Variants in ST18 observed in about 807,000 individuals in gnomAD.
ST18 encodes ST18 C2H2C-type zinc finger transcription factor, also known as suppression of tumorigenicity 18 protein.
ST18 carries 50 observed loss-of-function variants against 110.0 expected under a neutral mutation model. The ratio of observed to expected loss-of-function variants is 0.45; its 90% confidence interval spans 0.36 to 0.58. The LOEUF (loss-of-function observed/expected upper bound fraction) is 0.58. Among genes scored for constraint, ST18 ranks in the 20% least tolerant of loss-of-function variants. The pLI is 0.00. For missense variants in ST18, 1,306 were observed against 1,280.1 expected (o/e 1.02, Z -0.31); for synonymous variants, 461 against 452.4 (o/e 1.02, Z -0.24).
At chr8:52,188,179 C>T (rs1010525520) in intron 8 of ST18, among the ~76,000 whole-genome samples, 2 of 152,022 alleles carry the variant, frequency 1.3e-5, no homozygotes, top group South Asian at 4.2e-4. Flanking sequence ...GAGTAAAATA[C>T]ATAATATGTT....
intron 2 of ST18, among the ~76,000 whole-genome samples, chr8:52,301,179 G>C (rs982037137): frequency 6.6e-6 from 1 of 152,016 alleles, no homozygotes; most frequent in Admixed American, 6.6e-5. Context: ...ATTACGAGCA[G>C]GTTTCTTCAA....
chr8:52,188,953 G>A (rs2073431930), intron 8 of ST18, among the ~76,000 whole-genome samples: 1 of 152,166 alleles, frequency 6.6e-6, no homozygotes, highest in African/African-American at 2.4e-5. Context: ...GTTCAAACTG[G>A]AGCACGTTAA....
chr8:52,172,897 A>ACTTAACAATAAT (rs1180813255), intron 9 of ST18, among the ~76,000 whole-genome samples: 2 of 152,230 alleles, frequency 1.3e-5, no homozygotes, highest in African/African-American at 4.8e-5. Flanking sequence ...TGACCAAGAC[A>ACTTAACAATAAT]AGAAGTAGAT....
chr8:52,264,799 A>G (rs2094814679), intron 2 of ST18, among the ~76,000 whole-genome samples: 1 of 152,232 alleles, frequency 6.6e-6, no homozygotes, highest in African/African-American at 2.4e-5. Flanking sequence ...TCAAAGAGTT[A>G]AGAGACAGCT....
chr8:52,229,814 A>C (rs1365082477), intron 3 of ST18: 1 of 152,198 alleles, frequency 6.6e-6, no homozygotes. Flanking sequence ...CAAACATATG[A>C]AGTCATGAAT....
At chr8:52,269,227 C>A (rs1302681760) in intron 2 of ST18, among the ~76,000 whole-genome samples, 1 of 152,180 alleles carries the variant, frequency 6.6e-6, no homozygotes. Flanking sequence ...AGGGTTTACA[C>A]CCAGGAAACC....
At chr8:52,391,805 G>T (rs1299053942) in intron 2 of ST18, among the ~76,000 whole-genome samples, 1 of 152,134 alleles carries the variant, frequency 6.6e-6, no homozygotes, top group Non-Finnish European at 1.5e-5. Flanking sequence ...AATTCCAAAT[G>T]GAGAAATTTG....
At chr8:52,136,550 T>A in intron 19 of ST18, 40 bp downstream of exon 19, 1 of 1,579,840 alleles carries the variant, frequency 6.3e-7, no homozygotes. Flanking sequence ...GGTCCTACCG[T>A]GTGGATGAAG....
At chr8:52,221,840 T>C (rs1409376668) in intron 3 of ST18, 47 bp from the exon 4 acceptor site, 1 of 152,054 alleles carries the variant, frequency 6.6e-6, no homozygotes, top group Non-Finnish European at 1.5e-5. Flanking sequence ...AGCAGATTAC[T>C]GCACATGATG....
chr8:52,139,516 C>T (rs556975763), intron 17 of ST18, among the ~76,000 whole-genome samples: 13 of 151,910 alleles, frequency 8.6e-5, no homozygotes, highest in African/African-American at 2.4e-4. Context: ...CCACCATGCC[C>T]GACTAATTTT....
chr8:52,373,971 C>T (rs187191497), intron 2 of ST18, among the ~76,000 whole-genome samples: 1 of 152,248 alleles, frequency 6.6e-6, no homozygotes, highest in East Asian at 1.9e-4. Flanking sequence ...CCAGGGCGAA[C>T]AGTTTTCGCC....
intron 2 of ST18, among the ~76,000 whole-genome samples, chr8:52,345,274 GTCATCCAGATTTGTCTCTTA>G (rs1301876674): frequency 8.5e-5 from 13 of 152,208 alleles, no homozygotes; most frequent in South Asian, 4.1e-4. Flanking sequence ...TGACAAATTA[GTCATCCAGATTTGTCTCTTA>G]TCCTTCCTGA....
rs181655927 is a variant in ST18 at position 52,265,536 on chromosome 8, T to C, written c.-464-35459A>G. Among the ~76,000 whole-genome samples, 880 of 152,336 alleles carry C rather than the reference T, an allele frequency of 5.8e-3. 6 individuals carry two copies. Among genetic ancestry groups the C allele is most frequent in the Non-Finnish European group, 8.6e-3 (586 of 68,032 alleles). On this transcript the variant is annotated intron_variant, in intron 2 of 25. Coordinates refer to ENST00000689386, the MANE Select transcript of ST18 (RefSeq NM_001352837.2). ...AGGCAGCCAGAGGCAGCTTATGTTC[T>C]AGAAGGGTGGCCATGGAGATGAAGA... is the stretch of plus-strand genomic sequence containing the variant.
intron 2 of ST18, among the ~76,000 whole-genome samples, chr8:52,332,923 C>A (rs1384746636): frequency 2.0e-5 from 3 of 152,098 alleles, no homozygotes. Flanking sequence ...TAGAACTAAT[C>A]ATTTCAACAA....
intron 23 of ST18, among the ~76,000 whole-genome samples, chr8:52,121,774 C>T (rs2044916335): frequency 6.6e-6 from 1 of 152,162 alleles, no homozygotes; most frequent in South Asian, 2.1e-4. Flanking sequence ...TACAGACATA[C>T]TTCTAGTAGA....
chr8:52,202,284 G>A (rs906196319), intron 8 of ST18, among the ~76,000 whole-genome samples: 1 of 116,188 alleles, frequency 8.6e-6, no homozygotes, highest in Non-Finnish European at 2.0e-5. Context: ...AAAACAAACA[G>A]GGGTAGATAA....
At chr8:52,214,080 T>G (rs939346203) in intron 7 of ST18, 123 bp downstream of exon 7, 9 of 1,066,858 alleles carry the variant, frequency 8.4e-6, no homozygotes, top group Admixed American at 6.6e-5. Context: ...CTGGCTTGAT[T>G]TGAAAAAAGA....
At chr8:52,211,830 C>T (rs113924607) in intron 8 of ST18, among the ~76,000 whole-genome samples, 7,107 of 152,170 alleles carry the variant, frequency 0.047, 576 homozygotes, top group African/African-American at 0.16. Flanking sequence ...GAAAAGTGGG[C>T]TACCACTCAC....
chr8:52,182,672 A>G (rs1563922962), intron 8 of ST18, among the ~76,000 whole-genome samples: 1 of 152,138 alleles, frequency 6.6e-6, no homozygotes, highest in Non-Finnish European at 1.5e-5. Context: ...AAACAGGCAT[A>G]AAGTTTCAGT....
Sources: allele counts gnomAD v4.1 joint callset (sites outside exome capture counted in the v4.1 genomes callset), GRCh38; gene constraint gnomAD v4.1.1; transcripts MANE v1.5; gene names NCBI Gene and HGNC (gene_info 2026-07-23, HGNC 2026-07-21).